The following ABCC4 variants were observed in gnomAD, a reference collection of about 807,000 sequenced individuals.
The protein encoded by ABCC4 is ATP-binding cassette sub-family C member 4.
In ABCC4, 102 loss-of-function variants were observed where a neutral mutation model predicts 168.5. The ratio of observed to expected loss-of-function variants is 0.61; its 90% CI spans 0.52 to 0.71. ABCC4 has a LOEUF of 0.71. Ranked by LOEUF, ABCC4 falls within the 30% of genes least tolerant of loss-of-function variation. The probability of loss-of-function intolerance (pLI) is 0.00; values close to 1 mark genes in which losing one functional copy is unlikely to be tolerated. For synonymous variants in ABCC4, 617 were observed against 590.7 expected (o/e 1.04, Z -0.65); for missense variants, 1,402 against 1,605.8 (o/e 0.87, Z 2.17).
At chr13:95,073,393 T>C in intron 23 of ABCC4, 89 bp from the exon 24 acceptor site, 2 of 849,070 alleles carry the variant, frequency 2.4e-6, no homozygotes. Context: ...GAACCCTTCA[T>C]AATGTTGAAA....
chr13:95,149,624 GA>G (rs995640615), intron 19 of ABCC4, among the ~76,000 whole-genome samples: 1 of 151,922 alleles, frequency 6.6e-6, no homozygotes, highest in African/African-American at 2.4e-5. Flanking sequence ...TAAAGGTAAT[GA>G]AAAAAAATAA....
chr13:95,102,150 T>A (rs1042618202), intron 20 of ABCC4, among the ~76,000 whole-genome samples: 1 of 152,176 alleles, frequency 6.6e-6, no homozygotes, highest in Non-Finnish European at 1.5e-5. Context: ...TATTATTATT[T>A]TTTGGTTCTT....
rs1229466971 is a variant in ABCC4 at position 95,178,035 on chromosome 13, C to T, written c.1602G>A (p.Thr534=). 2.5e-6 allele frequency: 4 copies of T among 1,614,214 alleles called. No individual in the cohort carries two copies. The highest frequency in any genetic ancestry group is 2.2e-5 in the South Asian group (2 of 91,086). Reference sequence around the variant, plus strand: ...CCCGTGCTTTCTGCCCTCCACTCAGCGTGGTTCCCCGATCTCCTATCACAG... The same window carrying T: ...CCCGTGCTTTCTGCCCTCCACTCAGTGTGGTTCCCCGATCTCCTATCACAG... ...DLTVIGDRGT[T]LSGGQKARVN... Residue 534 remains threonine, a synonymous_variant, in exon 12 of 31, where the codon ACG becomes ACA. Coordinates refer to ENST00000645237, the MANE Select transcript of ABCC4 (RefSeq NM_005845.5).
intron 19 of ABCC4, among the ~76,000 whole-genome samples, chr13:95,152,369 G>A (rs1050545249): frequency 2.3e-4 from 35 of 152,190 alleles, no homozygotes; most frequent in African/African-American, 7.7e-4. Context: ...AGATGCAAAT[G>A]CACTCTTGGA....
intron 29 of ABCC4, among the ~76,000 whole-genome samples, chr13:95,038,056 T>C (rs774128049): frequency 2.0e-5 from 3 of 152,142 alleles, no homozygotes; most frequent in Admixed American, 6.5e-5. Context: ...GGTTTCGCTA[T>C]GTTGCCCATG....
At chr13:95,094,664 A>T (rs2034534133) in intron 20 of ABCC4, among the ~76,000 whole-genome samples, 1 of 152,196 alleles carries the variant, frequency 6.6e-6, no homozygotes, top group Admixed American at 6.5e-5. Flanking sequence ...ACAAAGATAA[A>T]TAGTAGGGAC....
intron 26 of ABCC4, among the ~76,000 whole-genome samples, chr13:95,061,594 T>TTG (rs57517042): frequency 0.035 from 4,654 of 133,778 alleles, 137 homozygotes; most frequent in East Asian, 0.16. Flanking sequence ...GAATATGTGT[T>TTG]TGTGTGTGTG....
At chr13:95,134,503 T>C (rs1276487559) in intron 19 of ABCC4, among the ~76,000 whole-genome samples, 2 of 152,048 alleles carry the variant, frequency 1.3e-5, no homozygotes, top group African/African-American at 2.4e-5. Context: ...GGCAGATCAG[T>C]TGAGCTCAGG....
Position 95,218,978 on chromosome 13 carries a change from AAAG to A in ABCC4, c.532-8200_532-8198del, listed in dbSNP as rs1566539829. The stretch of plus-strand genomic sequence containing the variant: ...GAAAGAAAGAAAGAAAGAAAGAAAG[AAAG>A]AAAGAGTGAGAAAGAAAGAAAGAGT... On this transcript the variant is annotated intron_variant, in intron 4 of 30. Transcript: ENST00000645237. 2.6e-3 allele frequency among the ~76,000 whole-genome samples: 111 copies of A among 42,302 alleles called. 9 individuals carry two copies. In the East Asian group the frequency reaches 0.027, roughly 10 times the overall value. 27.8% of individuals were successfully genotyped at this position (42,302 alleles called of 152,430 possible). A position where few individuals can be genotyped will look rare whatever the true frequency, so the allele number is the denominator to read the frequency against.
rs1289435941 is a variant in ABCC4, at chr13:95,094,379, A to G, written c.2536-11089T>C. ...AGAGAACCCAAATACTTAACCGCCA[A>G]CTGATATTTGACAAAGCAAACAAAA... On this transcript the variant is annotated intron_variant, in intron 20 of 30. Coordinates refer to ENST00000645237, the MANE Select transcript of ABCC4 (RefSeq NM_005845.5). 2.6e-5 allele frequency among the ~76,000 whole-genome samples: 4 copies of G among 152,110 alleles called. No individual in the cohort carries two copies. In the East Asian group the frequency reaches 5.8e-4, roughly 22 times the overall value.
chr13:95,180,552 CA>C (rs969412161), intron 11 of ABCC4, among the ~76,000 whole-genome samples: 36 of 143,902 alleles, frequency 2.5e-4, no homozygotes, highest in Admixed American at 6.9e-4. Context: ...AACTCCATCT[CA>C]AAAAAAAAAA....
At chr13:95,290,566 G>A (rs1222552288) in intron 1 of ABCC4, among the ~76,000 whole-genome samples, 2 of 151,974 alleles carry the variant, frequency 1.3e-5, no homozygotes, top group African/African-American at 2.4e-5. Context: ...TCAGCTAGGC[G>A]TAGTGCCACA....
chr13:95,219,443 T>A (rs2039249803), intron 4 of ABCC4, among the ~76,000 whole-genome samples: 1 of 152,090 alleles, frequency 6.6e-6, no homozygotes, highest in Non-Finnish European at 1.5e-5. Flanking sequence ...TCAGAGAAGA[T>A]CATCTTAAGG....
chr13:95,133,909 A>G (rs1028475259), intron 19 of ABCC4, among the ~76,000 whole-genome samples: 1 of 152,200 alleles, frequency 6.6e-6, no homozygotes, highest in Non-Finnish European at 1.5e-5. Context: ...TATTTTACAC[A>G]ATCAATATTC....
chr13:95,112,073 C>T (rs747431516), intron 20 of ABCC4, among the ~76,000 whole-genome samples: 12 of 152,154 alleles, frequency 7.9e-5, no homozygotes, highest in Non-Finnish European at 1.8e-4. Flanking sequence ...TCACATGAGG[C>T]CAGGTGCAGT....
chr13:95,071,481 C>T (rs1210324347), intron 25 of ABCC4, among the ~76,000 whole-genome samples, 181 bp downstream of exon 25: 13 of 152,180 alleles, frequency 8.5e-5, no homozygotes. Flanking sequence ...CCGGGGCCCA[C>T]CAACCACAGT....
intron 26 of ABCC4, among the ~76,000 whole-genome samples, chr13:95,054,206 G>A (rs71431500): frequency 2.0e-5 from 3 of 151,866 alleles, no homozygotes; most frequent in Non-Finnish European, 4.4e-5. Flanking sequence ...TATTAACTAA[G>A]AAAGCAGGGT....
intron 26 of ABCC4, chr13:95,055,811 A>T (rs551561475): frequency 9.9e-5 from 15 of 152,018 alleles, no homozygotes; most frequent in African/African-American, 3.6e-4. Context: ...TGAACCCAGG[A>T]GGTGGAGGTT....
intron 4 of ABCC4, 150 bp downstream of exon 4, chr13:95,234,460 C>T (rs1239448041): frequency 3.4e-6 from 2 of 591,826 alleles, no homozygotes; most frequent in Non-Finnish European, 5.8e-6. Context: ...AAGTTTTCTT[C>T]GTTTTTCTTT....
Sources: gnomAD v4.1 joint callset for allele counts (sites outside exome capture counted in the v4.1 genomes callset) on GRCh38, gnomAD v4.1.1 for gene constraint, MANE v1.5 for transcripts, NCBI Gene and HGNC (gene_info 2026-07-23, HGNC 2026-07-21) for gene names.